SRGAP3: variants seen among roughly 807,000 people sequenced by gnomAD.
SRGAP3 encodes SLIT-ROBO Rho GTPase activating protein 3, also known as SLIT-ROBO Rho GTPase-activating protein 3.
Under a neutral mutation model 121.1 loss-of-function variants are expected in SRGAP3, and 39 were observed. The observed-to-expected ratio is 0.32, with a 90% confidence interval of 0.25 to 0.42. The LOEUF is 0.42. SRGAP3 is among the 10% of genes least tolerant of loss of function. SRGAP3 has a pLI of 1.00. For missense variants in SRGAP3, 1,213 were observed against 1,470.6 expected, an observed-to-expected ratio of 0.82 and a Z score of 2.86; for synonymous variants, 601 against 570.0, an observed-to-expected ratio of 1.05 and a Z score of -0.77.
At chr3:8,991,525 C>CT (rs1942056232) in intron 20 of SRGAP3, among the ~76,000 whole-genome samples, 1 of 152,236 alleles carries the variant, frequency 6.6e-6, no homozygotes, top group Admixed American at 6.5e-5. Flanking sequence ...AAGGTGAGTT[C>CT]TTGCCCTGTG....
chr3:9,072,576 C>G (rs1358055973), intron 4 of SRGAP3, among the ~76,000 whole-genome samples: 2 of 152,220 alleles, frequency 1.3e-5, no homozygotes, highest in Non-Finnish European at 2.9e-5. Flanking sequence ...GCAGAGCTGC[C>G]CTGCCCTAAG....
chr3:9,023,899 C>T (rs1364032996), intron 14 of SRGAP3, among the ~76,000 whole-genome samples: 1 of 152,128 alleles, frequency 6.6e-6, no homozygotes, highest in African/African-American at 2.4e-5. Context: ...CAGATGGTTC[C>T]AAGCCAGAGC....
intron 18 of SRGAP3, among the ~76,000 whole-genome samples, chr3:8,994,993 A>C (rs2124950282): frequency 6.6e-6 from 1 of 152,336 alleles, no homozygotes; most frequent in South Asian, 2.1e-4. Context: ...ACAGGATTTT[A>C]AGGGTACCCA....
chr3:9,315,095 G>A (rs895666168), intron 3 of SRGAP3, among the ~76,000 whole-genome samples: 16 of 152,328 alleles, frequency 1.1e-4, no homozygotes, highest in Middle Eastern at 6.8e-3. Context: ...CCTCACACCA[G>A]GGTTCAAATG....
intron 1 of SRGAP3, among the ~76,000 whole-genome samples, chr3:9,142,192 A>G (rs1238467605): frequency 1.3e-5 from 2 of 152,238 alleles, no homozygotes; most frequent in African/African-American, 2.4e-5. Context: ...GGTAATATTA[A>G]TACATACATA....
At chr3:9,079,122 C>A (rs979665573) in intron 4 of SRGAP3, among the ~76,000 whole-genome samples, 4 of 152,174 alleles carry the variant, frequency 2.6e-5, no homozygotes, top group African/African-American at 9.7e-5. Flanking sequence ...CCCCTCATAC[C>A]AGGGATTTTC....
chr3:9,013,075 A>G (rs1157904372), intron 17 of SRGAP3, among the ~76,000 whole-genome samples: 1 of 152,164 alleles, frequency 6.6e-6, no homozygotes, highest in Non-Finnish European at 1.5e-5. Flanking sequence ...GTAAATCAAT[A>G]AAGTCCCATT....
intron 1 of SRGAP3, among the ~76,000 whole-genome samples, chr3:9,217,144 G>A (rs1574887632): frequency 6.6e-6 from 1 of 152,130 alleles, no homozygotes; most frequent in South Asian, 2.1e-4. Context: ...CATTTAAAAC[G>A]GTTAAGATAG....
At chr3:9,193,725 G>A (rs775314739) in intron 1 of SRGAP3, 2 of 152,392 alleles carry the variant, frequency 1.3e-5, no homozygotes, top group Non-Finnish European at 2.9e-5. Context: ...TGCATTTCCA[G>A]GTGGCGAGGA....
chr3:9,013,186 A>C (rs1012106139), intron 17 of SRGAP3, 122 bp downstream of exon 17: 5 of 969,000 alleles, frequency 5.2e-6, no homozygotes, highest in African/African-American at 4.9e-5. Flanking sequence ...AGCTCAGATG[A>C]GAAAATGTAT....
intron 1 of SRGAP3, among the ~76,000 whole-genome samples, chr3:9,199,066 C>T (rs138684207): frequency 7.9e-5 from 12 of 152,288 alleles, no homozygotes; most frequent in East Asian, 3.9e-4. Context: ...ATCTGCCCCC[C>T]CTTCCCATCC....
chr3:9,050,435 G>A (rs566446187), intron 9 of SRGAP3, among the ~76,000 whole-genome samples: 125 of 152,236 alleles, frequency 8.2e-4, no homozygotes, highest in African/African-American at 2.9e-3. Flanking sequence ...ATCTCTGTCC[G>A]CCTCATTTAA....
intron 1 of SRGAP3, among the ~76,000 whole-genome samples, chr3:9,209,520 C>G (rs75885512): frequency 0.012 from 1,888 of 152,294 alleles, 26 homozygotes; most frequent in South Asian, 0.024. Flanking sequence ...TGTGTGAGGA[C>G]AGTGGTGGCA....
At chr3:9,125,973 C>A (rs1949208639) in intron 1 of SRGAP3, among the ~76,000 whole-genome samples, 1 of 152,242 alleles carries the variant, frequency 6.6e-6, no homozygotes, top group South Asian at 2.1e-4. Context: ...CTTGGAATAT[C>A]AGATCTCACC....
intron 2 of SRGAP3, among the ~76,000 whole-genome samples, chr3:9,120,275 AATC>A (rs1419917755): frequency 1.3e-5 from 2 of 152,204 alleles, no homozygotes; most frequent in Non-Finnish European, 2.9e-5. Context: ...ACCAGGTGGG[AATC>A]AAGGAAGCTT....
chr3:9,271,665 C>G (rs1385423932), intron 3 of SRGAP3, among the ~76,000 whole-genome samples: 1 of 152,164 alleles, frequency 6.6e-6, no homozygotes, highest in African/African-American at 2.4e-5. Context: ...CCAGGGAACC[C>G]AACTTAGGAA....
chr3:9,017,137 CAT>C (rs1943678452), intron 14 of SRGAP3, among the ~76,000 whole-genome samples: 1 of 152,120 alleles, frequency 6.6e-6, no homozygotes, highest in Non-Finnish European at 1.5e-5. Flanking sequence ...TATGGTGTCT[CAT>C]ATCGAGACAC....
chr3:9,341,273 TGGACACTGAA>T (rs199727333), intron 1 of SRGAP3, among the ~76,000 whole-genome samples: 9,403 of 152,142 alleles, frequency 0.062, 1,017 homozygotes, highest in African/African-American at 0.22. Context: ...CAGCACGATG[TGGACACTGAA>T]GGTTCCTAGA....
At chr3:8,986,051 A>G (rs1574846769) in intron 21 of SRGAP3, 119 bp from the exon 22 acceptor site, 1 of 1,547,390 alleles carries the variant, frequency 6.5e-7, no homozygotes, top group Non-Finnish European at 8.7e-7. Flanking sequence ...GCAGGGATGG[A>G]GATTAAGTCC....
Sources: gnomAD v4.1 joint callset for allele counts (sites outside exome capture counted in the v4.1 genomes callset) on GRCh38, gnomAD v4.1.1 for gene constraint, MANE v1.5 for transcripts, NCBI Gene and HGNC (gene_info 2026-07-23, HGNC 2026-07-21) for gene names.